The following H3C6 variants were observed in gnomAD, a reference collection of about 807,000 sequenced individuals.
The protein encoded by H3C6 is H3 clustered histone 6, also known as histone H3.1.
Under a neutral mutation model 8.0 loss-of-function variants are expected in H3C6, and 17 were observed. The observed-to-expected ratio is 2.13, with a 90% CI of 1.46 to 3.19. The LOEUF (loss-of-function observed/expected upper bound fraction) is 3.19, where lower values mean the gene tolerates loss of function less well. H3C6 is among the 30% of genes most tolerant of loss of function. H3C6 has a pLI of 0.00. For synonymous variants in H3C6, 169 were observed against 78.0 expected (o/e 2.17, Z -6.15); for missense variants, 298 against 193.8 (o/e 1.54, Z -3.19).
upstream of H3C6, chr6:26,225,049 G>A (rs1765595400): frequency 7.9e-7 from 1 of 1,268,956 alleles, no homozygotes; most frequent in Non-Finnish European, 1.1e-6. Flanking sequence ...CCGGAATTTA[G>A]CAACCGATCA....
chr6:26,225,295 G>A lies in H3C6; in HGVS notation c.141G>A (p.Val47=). 7 of 1,614,222 alleles carry A rather than the reference G, an allele frequency of 4.3e-6. No homozygotes were observed. Among genetic ancestry groups the A allele is most frequent in the Non-Finnish European group, 5.9e-6 (7 of 1,180,032 alleles). The change falls in exon 1 of 1, where the codon GTG becomes GTA. Residue 47 remains valine (V), a synonymous_variant. Transcript: ENST00000614911. ...KKPHRYRPGT[V]ALREIRRYQK... ...CCCATCGCTACCGCCCTGGCACCGT[G>A]GCTCTGCGCGAGATCCGTCGCTACC...
Position 26,225,270 on chromosome 6 carries a change from C to G in H3C6, c.116C>G (p.Pro39Arg). ...SAPATGGVKK[P>R]HRYRPGTVAL... ...CCGGCCACGGGCGGCGTGAAGAAGC[C>G]CCATCGCTACCGCCCTGGCACCGTG... The change falls in exon 1 of 1, where the codon CCC becomes CGC. Residue 39 changes from proline to arginine, a missense_variant. Transcript: ENST00000614911. The G allele has an allele frequency of 6.2e-7, 1 of 1,614,108 alleles. No homozygotes were observed. Among genetic ancestry groups the G allele is most frequent in the Non-Finnish European group, 8.5e-7 (1 of 1,179,968 alleles).
At chr6:26,225,812 G>C (rs1581466702), downstream of H3C6, 3 of 432,546 alleles carry the variant, frequency 6.9e-6, no homozygotes, top group South Asian at 9.8e-5. Context: ...AGCTGGCTTT[G>C]TTTTGCTGTT....
chr6:26,225,110 A>G (rs1389666959), upstream of H3C6: 17 of 1,518,354 alleles, frequency 1.1e-5, no homozygotes, highest in Non-Finnish European at 1.4e-5. Context: ...TCCTATATAG[A>G]GGGGCAAACC....
upstream of H3C6, chr6:26,225,002 G>GA (rs1765594842): frequency 3.6e-6 from 3 of 837,944 alleles, no homozygotes; most frequent in Non-Finnish European, 5.5e-6. Context: ...ATCTTGCACT[G>GA]AAAAAATAAA....
chr6:26,225,229 A>C lies in H3C6; in HGVS notation c.75A>C (p.Ala25=), dbSNP rs539002138. The C allele has an allele frequency of 7.6e-5, 122 of 1,611,556 alleles. No individual in the cohort carries two copies. Among genetic ancestry groups the C allele is most frequent in the Non-Finnish European group, 5.9e-6 (7 of 1,178,560 alleles). ...CGCGCAAACAGCTGGCCACTAAGGC[A>C]GCTCGCAAGAGCGCTCCGGCCACGG... ...KAPRKQLATK[A]ARKSAPATGG... The change falls in exon 1 of 1, where the codon GCA becomes GCC. Residue 25 remains alanine, a synonymous_variant. Transcript: ENST00000614911.
chr6:26,225,208 C>A lies in H3C6; in HGVS notation c.54C>A (p.Arg18=). 5 of 1,604,050 alleles carry A rather than the reference C, an allele frequency of 3.1e-6. No homozygotes were observed. The highest frequency in any genetic ancestry group is 1.1e-5 in the South Asian group (1 of 90,014). The change falls in exon 1 of 1, where the codon CGC becomes CGA. Residue 18 remains arginine (R), a synonymous_variant. Transcript: ENST00000614911. ...ARKSTGGKAP[R]KQLATKAARK... ...AATCCACAGGCGGTAAAGCACCGCG[C>A]AAACAGCTGGCCACTAAGGCAGCTC...
downstream of H3C6, chr6:26,226,382 T>C (rs1312880239): frequency 8.2e-6 from 1 of 121,800 alleles, no homozygotes; most frequent in African/African-American, 3.2e-5. Context: ...ATTTATTTAT[T>C]TATTTATTTA....
chr6:26,225,327 C>A lies in H3C6; in HGVS notation c.173C>A (p.Ser58Tyr). 6.2e-7 allele frequency: 1 copy of A among 1,614,238 alleles called. No individual in the cohort carries two copies. The highest frequency in any genetic ancestry group is 8.5e-7 in the Non-Finnish European group (1 of 1,180,008). The change falls in exon 1 of 1, where the codon TCT (serine) becomes TAT (tyrosine). Residue 58 changes from serine to tyrosine, a missense_variant. Transcript: ENST00000614911. ...ALREIRRYQK[S>Y]TELLIRKLPF... ...CGCGAGATCCGTCGCTACCAGAAGT[C>A]TACCGAGCTTCTAATCCGGAAGCTG...
At chr6:26,226,047 G>T (rs1260267358), downstream of H3C6, 2 of 155,770 alleles carry the variant, frequency 1.3e-5, no homozygotes, top group East Asian at 1.9e-4. Context: ...TCTGCATCAG[G>T]CTGCCTTACT....
chr6:26,225,552 G>A lies in H3C6; in HGVS notation c.398G>A (p.Gly133Glu), dbSNP rs370836132. 6 of 1,613,344 alleles carry A rather than the reference G, an allele frequency of 3.7e-6. No homozygotes were observed. The highest frequency in any genetic ancestry group is 5.1e-6 in the Non-Finnish European group (6 of 1,179,642). The stretch of plus-strand genomic sequence containing the variant: ...ATCCAGCTTGCCCGCCGCATTCGTG[G>A]GGAGAGGGCGTGAATTGTTTTGAGT... The part of the protein sequence containing the change: ...KDIQLARRIR[G>E]ERA Residue 133 changes from glycine (G) to glutamate (E), a missense_variant, in exon 1 of 1, where the codon GGG becomes GAG. Physicochemically the swap from Gly to Glu is moderately conservative, Grantham distance 98. Transcript: ENST00000614911.
downstream of H3C6, chr6:26,225,635 C>T (rs966586501): frequency 1.6e-5 from 24 of 1,527,408 alleles, no homozygotes; most frequent in African/African-American, 2.2e-4. Context: ...GTGAAAAGGG[C>T]TGTAATCCTT....
chr6:26,226,046 G>C (rs1759547333), downstream of H3C6: 2 of 155,858 alleles, frequency 1.3e-5, no homozygotes, highest in African/African-American at 4.8e-5. Context: ...ATCTGCATCA[G>C]GCTGCCTTAC....
Position 26,225,175 on chromosome 6 carries a change from G to A in H3C6, c.21G>A (p.Thr7=), listed in dbSNP as rs138589598. 903 of 1,574,692 alleles carry A rather than the reference G, an allele frequency of 5.7e-4. No homozygotes were observed. Among genetic ancestry groups the A allele is most frequent in the Non-Finnish European group, 7.4e-4 (864 of 1,162,220 alleles). The change falls in exon 1 of 1, where the codon ACG becomes ACA. Residue 7 remains threonine, a synonymous_variant. Coordinates refer to ENST00000614911, the MANE Select transcript of H3C6 (RefSeq NM_003532.3). The part of the protein sequence containing the change: MARTKQ[T]ARKSTGGKAP... The stretch of plus-strand genomic sequence containing the variant: ...GAACTATGGCGCGTACTAAGCAGAC[G>A]GCTCGTAAATCCACAGGCGGTAAAG...
chr6:26,227,092 G>GGGCA (rs1759588151), downstream of H3C6: 1 of 152,312 alleles, frequency 6.6e-6, no homozygotes, highest in South Asian at 2.1e-4. Flanking sequence ...ATGGAAGCCT[G>GGGCA]TCAGACATGA....
chr6:26,225,501 A>G lies in H3C6; in HGVS notation c.347A>G (p.Lys116Arg). ...ACCAACCTGTGCGCTATTCATGCCAAACGCGTGACCATCATGCCTAAAGAC... is the reference window on the plus strand; with the variant it reads ...ACCAACCTGTGCGCTATTCATGCCAGACGCGTGACCATCATGCCTAAAGAC... ...EDTNLCAIHA[K>R]RVTIMPKDIQ... Residue 116 changes from lysine to arginine, a missense_variant, in exon 1 of 1, where the codon AAA becomes AGA. Physicochemically the swap from Lys to Arg is conservative, Grantham distance 26. Transcript: ENST00000614911. 1 of 1,614,228 alleles carries G rather than the reference A, an allele frequency of 6.2e-7. No homozygotes were observed. Among genetic ancestry groups the G allele is most frequent in the Non-Finnish European group, 8.5e-7 (1 of 1,180,034 alleles).
Position 26,225,548 on chromosome 6 carries a change from C to T in H3C6, c.394C>T (p.Arg132Cys), listed in dbSNP as rs1186783518. The T allele has an allele frequency of 6.2e-6, 10 of 1,613,658 alleles. No homozygotes were observed. The highest frequency in any genetic ancestry group is 8.5e-6 in the Non-Finnish European group (10 of 1,179,804). Reference sequence around the variant, plus strand: ...AGACATCCAGCTTGCCCGCCGCATTCGTGGGGAGAGGGCGTGAATTGTTTT... The same window carrying T: ...AGACATCCAGCTTGCCCGCCGCATTTGTGGGGAGAGGGCGTGAATTGTTTT... The part of the protein sequence containing the change: ...PKDIQLARRI[R>C]GERA The change falls in exon 1 of 1, where the codon CGT becomes TGT. Residue 132 changes from arginine to cysteine, a missense_variant. Physicochemically the swap from Arg to Cys is radical, Grantham distance 180. Transcript: ENST00000614911.
chr6:26,225,007 A>T, upstream of H3C6: 1 of 863,568 alleles, frequency 1.2e-6, no homozygotes, highest in Non-Finnish European at 1.8e-6. Context: ...GCACTGAAAA[A>T]ATAAACCAAT....
chr6:26,225,136 T>C lies in H3C6; in HGVS notation c.-19T>C. ...GGGGCAAACCAATCTTCCTAACTCA[T>C]TTACTTTGCAGATGAACTATGGCGC... On this transcript the variant is annotated 5_prime_UTR_variant, in exon 1 of 1. Transcript: ENST00000614911. The C allele has an allele frequency of 6.5e-7, 1 of 1,531,372 alleles. No homozygotes were observed. The highest frequency in any genetic ancestry group is 8.8e-7 in the Non-Finnish European group (1 of 1,141,744). 94.9% of individuals were successfully genotyped at this position (1,531,372 alleles called of 1,614,324 possible). A position where few individuals can be genotyped will look rare whatever the true frequency, so the allele number is the denominator to read the frequency against.
Sources: allele counts gnomAD v4.1 joint callset, GRCh38; gene constraint gnomAD v4.1.1; transcripts MANE v1.5; gene names NCBI Gene and HGNC (gene_info 2026-07-23, HGNC 2026-07-21).